EVL: variants seen among roughly 807,000 people sequenced by gnomAD.
The protein encoded by EVL is ena/VASP-like protein.
Under a neutral mutation model 59.6 loss-of-function variants are expected in EVL, and 21 were observed. The observed-to-expected ratio is 0.35, with a 90% confidence interval of 0.25 to 0.51. The LOEUF (loss-of-function observed/expected upper bound fraction) is 0.51, where lower values mean the gene tolerates loss of function less well. EVL is among the 20% of genes least tolerant of loss of function. EVL has a pLI of 0.97. For missense variants in EVL, 462 were observed against 546.6 expected (o/e 0.85, Z 1.54); for synonymous variants, 198 against 203.5 (o/e 0.97, Z 0.23).
chr14:100,079,691 C>G (rs1163652754), intron 1 of EVL, among the ~76,000 whole-genome samples: 7 of 152,192 alleles, frequency 4.6e-5, no homozygotes, highest in Non-Finnish European at 8.8e-5. Flanking sequence ...TGAATTTACA[C>G]TCTGTCCTTC....
intron 1 of EVL, among the ~76,000 whole-genome samples, chr14:100,032,935 CT>C (rs879541920): frequency 2.6e-3 from 382 of 146,070 alleles, no homozygotes; most frequent in Non-Finnish European, 2.2e-3. Flanking sequence ...TTTTTATTAC[CT>C]TTTTTTTTTT....
At chr14:100,135,034 T>C (rs1888684502) in intron 8 of EVL, 2 of 152,258 alleles carry the variant, frequency 1.3e-5, no homozygotes, top group African/African-American at 4.8e-5. Context: ...CTGTATCGCT[T>C]TCATCGTGGC....
At chr14:100,091,567 AG>A (rs1321998168) in intron 2 of EVL, among the ~76,000 whole-genome samples, 2 of 152,188 alleles carry the variant, frequency 1.3e-5, no homozygotes, top group East Asian at 3.9e-4. Context: ...GGGAGAGCGG[AG>A]GAGCTCCATC....
At chr14:99,976,060 A>G (rs2060768318) in intron 1 of EVL, among the ~76,000 whole-genome samples, 1 of 151,826 alleles carries the variant, frequency 6.6e-6, no homozygotes, top group African/African-American at 2.4e-5. Context: ...TATTTTTCAG[A>G]GTCTCATTCC....
chr14:100,023,019 T>A (rs1386192574), intron 1 of EVL, among the ~76,000 whole-genome samples: 1 of 152,074 alleles, frequency 6.6e-6, no homozygotes, highest in African/African-American at 2.4e-5. Context: ...TTGTGATGAT[T>A]TACTGCTGCC....
At chr14:100,106,145 C>T (rs1342680421) in intron 3 of EVL, 1 of 152,196 alleles carries the variant, frequency 6.6e-6, no homozygotes, top group East Asian at 1.9e-4. Context: ...GTGCACATTG[C>T]AATGTGCAGG....
At chr14:100,102,898 C>T (rs1444727211) in intron 3 of EVL, among the ~76,000 whole-genome samples, 4 of 152,078 alleles carry the variant, frequency 2.6e-5, no homozygotes, top group South Asian at 2.1e-4. Context: ...GAGATCAAGA[C>T]CATCCTGGCC....
chr14:100,008,412 G>T (rs992640406), intron 1 of EVL, among the ~76,000 whole-genome samples: 2 of 152,176 alleles, frequency 1.3e-5, no homozygotes, highest in Admixed American at 1.3e-4. Flanking sequence ...TGCTCAAAGT[G>T]AGGAGATCAG....
chr14:100,076,532 A>G (rs1274447492), intron 1 of EVL, among the ~76,000 whole-genome samples: 2 of 152,250 alleles, frequency 1.3e-5, no homozygotes, highest in African/African-American at 4.8e-5. Context: ...CAGGACCATG[A>G]TAATAGGGAT....
At chr14:100,020,835 T>C (rs2140201716) in intron 1 of EVL, among the ~76,000 whole-genome samples, 1 of 152,326 alleles carries the variant, frequency 6.6e-6, no homozygotes, top group South Asian at 2.1e-4. Flanking sequence ...TTATCCTTTG[T>C]TTAGTCGTGT....
At position 100,128,766 on chromosome 14, in the gene EVL, C is replaced by T. The variant is rs748116903; in HGVS notation, c.717+18C>T. On this transcript the variant is annotated intron_variant, in intron 6 of 13. Transcript: ENST00000392920. ...TCCAACGGGTAAGAGCTCCTGTGTG[C>T]GGGGTGGGAATGGGACCGAGGGGAC... The T allele has an allele frequency of 6.9e-6, 11 of 1,596,344 alleles. No individual in the cohort carries two copies. The highest frequency in any genetic ancestry group is 3.3e-4 in the Middle Eastern group (2 of 6,074).
chr14:100,086,073 G>A (rs948575888), intron 2 of EVL, among the ~76,000 whole-genome samples: 1 of 152,170 alleles, frequency 6.6e-6, no homozygotes, highest in African/African-American at 2.4e-5. Flanking sequence ...AGCTTGCAGT[G>A]AGCCGAGATC....
chr14:99,978,939 A>C (rs111725826), intron 1 of EVL, among the ~76,000 whole-genome samples: 1 of 152,326 alleles, frequency 6.6e-6, no homozygotes, highest in Non-Finnish European at 1.5e-5. Context: ...TTTAGCAAAA[A>C]AGTACTATTG....
upstream of EVL, among the ~76,000 whole-genome samples, chr14:100,062,495 A>G (rs1323681711): frequency 5.9e-5 from 9 of 152,198 alleles, no homozygotes; most frequent in Admixed American, 2.6e-4. Flanking sequence ...AAAAGTATTT[A>G]GTTTACCCAC....
intron 1 of EVL, among the ~76,000 whole-genome samples, chr14:100,000,253 A>G (rs944531253): frequency 2.0e-5 from 3 of 152,066 alleles, no homozygotes; most frequent in Non-Finnish European, 2.9e-5. Flanking sequence ...TGTAAGATGT[A>G]CATTGATTTT....
intron 2 of EVL, among the ~76,000 whole-genome samples, chr14:100,091,756 C>T (rs2062569043): frequency 6.6e-6 from 1 of 152,160 alleles, no homozygotes; most frequent in African/African-American, 2.4e-5. Context: ...ATTTATAGCC[C>T]GTGGGTCGGA....
At chr14:100,026,858 G>A (rs1037725603) in intron 1 of EVL, among the ~76,000 whole-genome samples, 1 of 152,184 alleles carries the variant, frequency 6.6e-6, no homozygotes, top group South Asian at 2.1e-4. Flanking sequence ...AACTGTGGGA[G>A]CTATGATCCC....
intron 3 of EVL, among the ~76,000 whole-genome samples, chr14:100,118,000 G>A (rs1397776120): frequency 6.6e-6 from 1 of 152,220 alleles, no homozygotes. Context: ...AAAAACTATG[G>A]TAAGTACTGG....
rs766736584 is a variant in EVL at position 100,137,627 on chromosome 14, G to A, written c.1014G>A (p.Val338=). ...GGAGCAACTCGGTGGAGAAGCCTGT[G>A]TCCTCGATTCTGTCCAGGTGAGCTG... ...WERSNSVEKP[V]SSILSRTPSV... is the part of the protein sequence containing the mutation. The change falls in exon 10 of 14, where the codon GTG becomes GTA. Residue 338 remains valine, a synonymous_variant. Coordinates refer to ENST00000392920, the MANE Select transcript of EVL (RefSeq NM_016337.3). 5.0e-6 allele frequency: 8 copies of A among 1,614,126 alleles called. No individual in the cohort carries two copies. In the Admixed American group the frequency reaches 1.0e-4, roughly 20 times the overall value.
Sources: gnomAD v4.1 joint callset for allele counts (sites outside exome capture counted in the v4.1 genomes callset) on GRCh38, gnomAD v4.1.1 for gene constraint, MANE v1.5 for transcripts, NCBI Gene and HGNC (gene_info 2026-07-23, HGNC 2026-07-21) for gene names.